Variants in LDLRAD3 observed in about 807,000 individuals in gnomAD.
LDLRAD3 encodes the protein low density lipoprotein receptor class A domain containing 3, also known as low-density lipoprotein receptor class A domain-containing protein 3.
LDLRAD3 carries 20 observed loss-of-function variants against 29.4 expected under a neutral mutation model. The ratio of observed to expected loss-of-function variants is 0.68; its 90% confidence interval spans 0.48 to 0.99. LDLRAD3 has a LOEUF of 0.99. Among genes scored for constraint, LDLRAD3 ranks in the 50% least tolerant of loss-of-function variants. LDLRAD3 has a pLI of 0.00. For synonymous variants in LDLRAD3, 157 were observed against 192.7 expected (o/e 0.81, Z 1.53); for missense variants, 420 against 454.3 (o/e 0.92, Z 0.69).
At chr11:36,180,139 G>GCCT (rs1461759945) in intron 4 of LDLRAD3, among the ~76,000 whole-genome samples, 1 of 152,120 alleles carries the variant, frequency 6.6e-6, no homozygotes, top group Non-Finnish European at 1.5e-5. Context: ...GTTCCTACCT[G>GCCT]CCTCGGTACA....
At chr11:36,121,751 A>G (rs1340219846) in intron 4 of LDLRAD3, among the ~76,000 whole-genome samples, 1 of 152,230 alleles carries the variant, frequency 6.6e-6, no homozygotes, top group Non-Finnish European at 1.5e-5. Context: ...CTCACACAGT[A>G]CATAAACCCA....
At chr11:36,211,971 C>A (rs150422653) in intron 4 of LDLRAD3, among the ~76,000 whole-genome samples, 227 of 152,356 alleles carry the variant, frequency 1.5e-3, no homozygotes, top group Middle Eastern at 3.4e-3. Flanking sequence ...CAGAAACCAA[C>A]TGACCATTGA....
At position 35,953,679 on chromosome 11, in the gene LDLRAD3, T is replaced by C. The variant is rs139105032; in HGVS notation, c.46+9535T>C. Among the ~76,000 whole-genome samples the C allele has an allele frequency of 5.6e-3, 859 of 152,272 alleles. 11 individuals are homozygous for C. The highest frequency in any genetic ancestry group is 0.019 in the African/African-American group (807 of 41,556). ...CCGTTGAAAAAAGCCTCTTGATTGA[T>C]TTGGAAAGTTCTAAATTTAACTTGT... On this transcript the variant is annotated intron_variant, in intron 1 of 5. Coordinates refer to ENST00000315571, the MANE Select transcript of LDLRAD3 (RefSeq NM_174902.4).
At chr11:36,150,641 G>C (rs1475243281) in intron 4 of LDLRAD3, among the ~76,000 whole-genome samples, 1 of 152,120 alleles carries the variant, frequency 6.6e-6, no homozygotes, top group Non-Finnish European at 1.5e-5. Flanking sequence ...TGTAGTCCCA[G>C]CTACTTGGGA....
At chr11:36,030,533 C>G (rs989427853) in intron 1 of LDLRAD3, among the ~76,000 whole-genome samples, 2 of 151,956 alleles carry the variant, frequency 1.3e-5, no homozygotes, top group African/African-American at 4.8e-5. Flanking sequence ...CCTCATGACA[C>G]TATGTTTGTT....
In LDLRAD3 at chr11:36,036,119, C is replaced by T. The variant is rs149080200; in HGVS notation, c.63C>T (p.Pro21=). 50 of 1,613,844 alleles carry T rather than the reference C, an allele frequency of 3.1e-5. 1 individual carries two copies. Among genetic ancestry groups the T allele is most frequent in the South Asian group, 2.5e-4 (23 of 91,050 alleles). Residue 21 remains proline (P), a synonymous_variant, in exon 2 of 6, where the codon CCC becomes CCT. Transcript: ENST00000315571. ...LSSAAESQLL[P]GNNFTNECNI... is the part of the protein sequence containing the mutation. Reference sequence around the variant, plus strand: ...CTCTGACAGAGAGCCAGCTGCTCCCCGGGAACAACTTCACCAATGAGTGCA... The same window carrying T: ...CTCTGACAGAGAGCCAGCTGCTCCCTGGGAACAACTTCACCAATGAGTGCA...
At chr11:36,163,370 T>C (rs1854470774) in intron 4 of LDLRAD3, 1 of 152,246 alleles carries the variant, frequency 6.6e-6, no homozygotes, top group Non-Finnish European at 1.5e-5. Flanking sequence ...TTCTTCTTAA[T>C]ACACAGCACC....
chr11:36,199,189 T>C (rs763052733), intron 4 of LDLRAD3, among the ~76,000 whole-genome samples: 8 of 152,250 alleles, frequency 5.3e-5, no homozygotes, highest in South Asian at 2.1e-4. Context: ...CGTGAGCCAC[T>C]GCGCCCGGCC....
intron 4 of LDLRAD3, among the ~76,000 whole-genome samples, chr11:36,170,834 C>T (rs988017522): frequency 2.0e-5 from 3 of 150,960 alleles, no homozygotes; most frequent in African/African-American, 7.3e-5. Flanking sequence ...ACGGAGTCTC[C>T]CTCTGTTGCC....
intron 4 of LDLRAD3, among the ~76,000 whole-genome samples, chr11:36,210,069 T>A (rs61879041): frequency 0.067 from 10,201 of 152,328 alleles, 445 homozygotes; most frequent in East Asian, 0.17. Context: ...TCAAAAAATA[T>A]ATTTTAAATA....
intron 1 of LDLRAD3, among the ~76,000 whole-genome samples, chr11:36,016,016 G>C (rs1852018153): frequency 6.6e-6 from 1 of 152,232 alleles, no homozygotes; most frequent in Non-Finnish European, 1.5e-5. Flanking sequence ...AGCTCACAGG[G>C]AGGGCAAGTG....
intron 1 of LDLRAD3, among the ~76,000 whole-genome samples, chr11:35,990,437 A>G (rs1027710714): frequency 6.7e-6 from 1 of 148,722 alleles, no homozygotes; most frequent in Admixed American, 6.7e-5. Flanking sequence ...TTTTTTTTTG[A>G]GATGGAATCT....
At chr11:36,149,430 G>A (rs562224211) in intron 4 of LDLRAD3, among the ~76,000 whole-genome samples, 68 of 152,288 alleles carry the variant, frequency 4.5e-4, no homozygotes, top group African/African-American at 1.6e-3. Flanking sequence ...GTATGCAGTC[G>A]CTAGAAAGGA....
chr11:35,952,427 A>G (rs1851147845), intron 1 of LDLRAD3, among the ~76,000 whole-genome samples: 1 of 152,234 alleles, frequency 6.6e-6, no homozygotes, highest in Admixed American at 6.5e-5. Flanking sequence ...GGGCATCTCA[A>G]GTTGATTCTA....
intron 1 of LDLRAD3, among the ~76,000 whole-genome samples, chr11:35,954,818 T>C (rs1161848565): frequency 6.6e-6 from 1 of 152,192 alleles, no homozygotes; most frequent in African/African-American, 2.4e-5. Flanking sequence ...ATTATGAGAC[T>C]AGCATGTGAC....
At chr11:35,992,859 T>C (rs1157842742) in intron 1 of LDLRAD3, among the ~76,000 whole-genome samples, 1 of 152,226 alleles carries the variant, frequency 6.6e-6, no homozygotes, top group Non-Finnish European at 1.5e-5. Context: ...TGTGTGAGTT[T>C]TATCTCTTAG....
intron 4 of LDLRAD3, among the ~76,000 whole-genome samples, chr11:36,212,060 G>T (rs535884333): frequency 6.6e-6 from 1 of 152,214 alleles, no homozygotes; most frequent in Non-Finnish European, 1.5e-5. Flanking sequence ...GTAAGCAATA[G>T]AAATAGTAGT....
intron 1 of LDLRAD3, among the ~76,000 whole-genome samples, chr11:35,962,246 TC>T (rs545391290): frequency 1.4e-4 from 22 of 152,302 alleles, no homozygotes; most frequent in African/African-American, 5.1e-4. Context: ...TGAGCTTGTC[TC>T]CAAGTTCTAG....
At chr11:36,001,999 C>T (rs2133178680) in intron 1 of LDLRAD3, among the ~76,000 whole-genome samples, 1 of 152,276 alleles carries the variant, frequency 6.6e-6, no homozygotes. Context: ...CAGTGAGCAG[C>T]TCTGTTCTAA....
Sources: allele counts gnomAD v4.1 joint callset (sites outside exome capture counted in the v4.1 genomes callset), GRCh38; gene constraint gnomAD v4.1.1; transcripts MANE v1.5; gene names NCBI Gene and HGNC (gene_info 2026-07-23, HGNC 2026-07-21).